Variants in RSPH14 observed in about 807,000 individuals in gnomAD.
RSPH14 encodes radial spoke head 14 homolog, also known as rhabdoid tumor deletion region gene 1.
RSPH14 carries 20 observed loss-of-function variants against 26.7 expected under a neutral mutation model. The ratio of observed to expected loss-of-function variants is 0.75; its 90% CI spans 0.53 to 1.09. The LOEUF (loss-of-function observed/expected upper bound fraction) is 1.09. RSPH14 is among the 50% of genes least tolerant of loss of function. The pLI, the probability that RSPH14 is intolerant of heterozygous loss-of-function variation, is 0.00. For synonymous variants in RSPH14, 177 were observed against 189.3 expected, an observed-to-expected ratio of 0.93 and a Z score of 0.53; for missense variants, 449 against 457.2, an observed-to-expected ratio of 0.98 and a Z score of 0.16.
intron 4 of RSPH14, among the ~76,000 whole-genome samples, chr22:23,069,339 T>C (rs979680951): frequency 2.6e-5 from 4 of 152,182 alleles, no homozygotes; most frequent in Admixed American, 6.5e-5. Flanking sequence ...AGGGATGCTC[T>C]AGGATACACA....
chr22:23,089,554 C>T (rs2068905665), intron 4 of RSPH14, among the ~76,000 whole-genome samples: 1 of 152,162 alleles, frequency 6.6e-6, no homozygotes. Flanking sequence ...GAGGTGGCAG[C>T]ACTTTCCCTC....
At chr22:23,178,885 T>A in the RSPH14 span, among the ~76,000 whole-genome samples, 207 of 152,310 alleles carry the variant, frequency 1.4e-3, 2 homozygotes, top group Non-Finnish European at 2.5e-3. Flanking sequence ...AAATCTTTGA[T>A]GGTTCTCTAG....
At chr22:23,101,585 G>C (rs2146333210) in intron 4 of RSPH14, among the ~76,000 whole-genome samples, 1 of 152,356 alleles carries the variant, frequency 6.6e-6, no homozygotes, top group South Asian at 2.1e-4. Flanking sequence ...ACCTGGTCAA[G>C]GGCATAGCTC....
upstream of RSPH14, among the ~76,000 whole-genome samples, chr22:23,144,173 C>T (rs191926171): frequency 1.3e-5 from 2 of 150,302 alleles, no homozygotes; most frequent in East Asian, 2.0e-4. Context: ...ATCCCCAAAT[C>T]CAAATTAGTA....
the RSPH14 span, among the ~76,000 whole-genome samples, chr22:23,174,948 CAA>C: frequency 6.8e-6 from 1 of 147,946 alleles, no homozygotes; most frequent in South Asian, 2.1e-4. Flanking sequence ...GCCTGGGCAA[CAA>C]GAGCAAAACT....
the RSPH14 span, among the ~76,000 whole-genome samples, chr22:23,172,754 T>C: frequency 6.7e-6 from 1 of 149,212 alleles, no homozygotes; most frequent in Non-Finnish European, 1.5e-5. Flanking sequence ...ATCGAGACCA[T>C]CCTGGCTAAC....
chr22:23,083,498 C>T (rs1483466322), intron 4 of RSPH14, among the ~76,000 whole-genome samples: 2 of 152,156 alleles, frequency 1.3e-5, no homozygotes, highest in African/African-American at 4.8e-5. Flanking sequence ...GGTGTTCCTC[C>T]ATCTATCCAT....
At chr22:23,065,004 C>T (rs1489472910) in intron 4 of RSPH14, among the ~76,000 whole-genome samples, 1 of 152,176 alleles carries the variant, frequency 6.6e-6, no homozygotes, top group Non-Finnish European at 1.5e-5. Flanking sequence ...CCCTACGGCA[C>T]GCAGCTGCCC....
chr22:23,064,841 G>T (rs2068170777), intron 4 of RSPH14, among the ~76,000 whole-genome samples: 1 of 152,130 alleles, frequency 6.6e-6, no homozygotes, highest in Admixed American at 6.5e-5. Flanking sequence ...GGCCCCACCT[G>T]GCTCCTCCCA....
At chr22:23,081,619 T>G (rs993976147) in intron 4 of RSPH14, among the ~76,000 whole-genome samples, 14 of 151,414 alleles carry the variant, frequency 9.2e-5, no homozygotes, top group African/African-American at 2.9e-4. Flanking sequence ...GTCAGGAGTT[T>G]GAGACCAATG....
At chr22:23,158,824 C>G in the RSPH14 span, 18 of 1,360,098 alleles carry the variant, frequency 1.3e-5, no homozygotes, top group African/African-American at 2.3e-4. Flanking sequence ...TGGGGAGGTC[C>G]CAAGTGTGCC....
chr22:23,128,806 G>A (rs527645529), intron 4 of RSPH14, among the ~76,000 whole-genome samples: 2 of 152,332 alleles, frequency 1.3e-5, no homozygotes, highest in Admixed American at 1.3e-4. Context: ...AAGACAACCA[G>A]CAATTGATCC....
chr22:23,172,275 T>C, the RSPH14 span, among the ~76,000 whole-genome samples: 1 of 152,040 alleles, frequency 6.6e-6, no homozygotes, highest in East Asian at 1.9e-4. Flanking sequence ...AATCTCTGCC[T>C]ATAGTGATGG....
intron 4 of RSPH14, among the ~76,000 whole-genome samples, chr22:23,127,145 G>A (rs554599197): frequency 2.0e-5 from 3 of 152,270 alleles, no homozygotes; most frequent in South Asian, 2.1e-4. Flanking sequence ...TACTTCCAAC[G>A]TCAGCCCTCC....
At position 23,095,275 on chromosome 22, in the gene RSPH14, G is replaced by A. The variant is rs576796595; in HGVS notation, c.422-31142C>T. 2.1e-3 allele frequency: 404 copies of A among 193,668 alleles called. 1 individual carries two copies. Among genetic ancestry groups the A allele is most frequent in the African/African-American group, 9.1e-3 (387 of 42,412 alleles). The allele number at this position is 193,668 out of a possible 1,614,324, so 12.0% of individuals were successfully genotyped here. On this transcript the variant is annotated intron_variant, in intron 4 of 6. Coordinates refer to ENST00000216036, the MANE Select transcript of RSPH14 (RefSeq NM_014433.3). Reference sequence around the variant, plus strand: ...AAGGGCTGGATGCACAGTGGGAGCCGGAGGCGGGGGGCTGCAGGGAGCACA... The same window carrying A: ...AAGGGCTGGATGCACAGTGGGAGCCAGAGGCGGGGGGCTGCAGGGAGCACA...
chr22:23,159,098 C>G, the RSPH14 span: 6 of 1,590,934 alleles, frequency 3.8e-6, no homozygotes, highest in Non-Finnish European at 5.2e-6. Flanking sequence ...AGGCAGCTGC[C>G]TATCCCCCTG....
At chr22:23,124,027 C>T in intron 4 of RSPH14, 1 of 231,596 alleles carries the variant, frequency 4.3e-6, no homozygotes. Flanking sequence ...AGACCTCCAG[C>T]CACTCACAGC....
the RSPH14 span, among the ~76,000 whole-genome samples, chr22:23,178,034 C>A: frequency 1.3e-5 from 2 of 152,152 alleles, no homozygotes; most frequent in Admixed American, 1.3e-4. Flanking sequence ...CTCCTGGGCT[C>A]AAGCGATACT....
At chr22:23,132,928 G>A (rs1236737043) in intron 4 of RSPH14, 1 of 152,068 alleles carries the variant, frequency 6.6e-6, no homozygotes, top group South Asian at 2.1e-4. Flanking sequence ...CACCCGACTG[G>A]CGTAGGGCAC....
Sources: gnomAD v4.1 joint callset for allele counts (sites outside exome capture counted in the v4.1 genomes callset) on GRCh38, gnomAD v4.1.1 for gene constraint, MANE v1.5 for transcripts, NCBI Gene and HGNC (gene_info 2026-07-23, HGNC 2026-07-21) for gene names.